RFX3: variants seen among roughly 807,000 people sequenced by gnomAD.
RFX3 encodes the protein transcription factor RFX3.
Under a neutral mutation model 98.6 loss-of-function variants are expected in RFX3, and 14 were observed. The ratio of observed to expected loss-of-function variants is 0.14; its 90% CI spans 0.09 to 0.22. The LOEUF (loss-of-function observed/expected upper bound fraction) is 0.22. RFX3 is among the 10% of genes least tolerant of loss of function. The pLI is 1.00. For synonymous variants in RFX3, 383 were observed against 328.4 expected, an observed-to-expected ratio of 1.17 and a Z score of -1.80; for missense variants, 639 against 926.9, an observed-to-expected ratio of 0.69 and a Z score of 4.03.
At chr9:3,383,967 G>C (rs551417282) in intron 2 of RFX3, among the ~76,000 whole-genome samples, 24 of 152,250 alleles carry the variant, frequency 1.6e-4, no homozygotes, top group African/African-American at 5.8e-4. Flanking sequence ...AAAAGTAAGT[G>C]TTCCATTAAA....
chr9:3,272,402 G>C (rs1051548747), intron 9 of RFX3, among the ~76,000 whole-genome samples: 1 of 152,116 alleles, frequency 6.6e-6, no homozygotes, highest in Non-Finnish European at 1.5e-5. Flanking sequence ...CCTGTATAGA[G>C]CTGGCCCAAT....
chr9:3,460,929 G>T (rs541924268), intron 1 of RFX3, among the ~76,000 whole-genome samples: 1 of 151,798 alleles, frequency 6.6e-6, no homozygotes, highest in African/African-American at 2.4e-5. Context: ...TACTTCTCCT[G>T]TAGTCTTACT....
At chr9:3,306,633 GAGAC>G (rs1368715924) in intron 4 of RFX3, among the ~76,000 whole-genome samples, 2 of 150,832 alleles carry the variant, frequency 1.3e-5, no homozygotes, top group African/African-American at 4.9e-5. Flanking sequence ...ATACCATTAG[GAGAC>G]ATACCTAATG....
chr9:3,386,804 T>C (rs1839772792), intron 2 of RFX3, among the ~76,000 whole-genome samples: 1 of 152,144 alleles, frequency 6.6e-6, no homozygotes. Flanking sequence ...GGAAATGTAG[T>C]AGACAAGTAC....
intron 1 of RFX3, among the ~76,000 whole-genome samples, chr9:3,435,802 TAAAAAAA>T (rs34925429): frequency 2.0e-5 from 2 of 97,636 alleles, no homozygotes; most frequent in Admixed American, 1.1e-4. Context: ...ATCTGCATTG[TAAAAAAA>T]AAAAAAAAAA....
At chr9:3,399,734 G>C (rs576150497) in intron 1 of RFX3, among the ~76,000 whole-genome samples, 1 of 151,878 alleles carries the variant, frequency 6.6e-6, no homozygotes, top group Non-Finnish European at 1.5e-5. Flanking sequence ...GGCAGATCTC[G>C]AGGTCAGGAG....
At chr9:3,323,274 C>G (rs762596749) in intron 4 of RFX3, among the ~76,000 whole-genome samples, 1 of 152,026 alleles carries the variant, frequency 6.6e-6, no homozygotes, top group Non-Finnish European at 1.5e-5. Flanking sequence ...CGTATTTTTC[C>G]CCTTTAAATT....
At chr9:3,333,657 G>T (rs1245405179) in intron 3 of RFX3, among the ~76,000 whole-genome samples, 1 of 152,008 alleles carries the variant, frequency 6.6e-6, no homozygotes, top group Non-Finnish European at 1.5e-5. Context: ...CCACTTAACT[G>T]TGCTTAAAAT....
At chr9:3,323,540 T>C (rs72699051) in intron 4 of RFX3, among the ~76,000 whole-genome samples, 16,343 of 152,038 alleles carry the variant, frequency 0.11, 892 homozygotes, top group Middle Eastern at 0.19. Flanking sequence ...AAGCAAAAGA[T>C]ATATAAGAGG....
chr9:3,264,349 C>T (rs1823331658), intron 12 of RFX3, among the ~76,000 whole-genome samples: 2 of 152,070 alleles, frequency 1.3e-5, no homozygotes, highest in East Asian at 3.9e-4. Context: ...CACTCAATCA[C>T]TATATGGGTA....
At chr9:3,472,891 C>T (rs1848899448) in intron 1 of RFX3, among the ~76,000 whole-genome samples, 1 of 152,168 alleles carries the variant, frequency 6.6e-6, no homozygotes, top group Non-Finnish European at 1.5e-5. Flanking sequence ...TGTTGCACAG[C>T]AGTATTATGA....
intron 1 of RFX3, among the ~76,000 whole-genome samples, chr9:3,443,992 A>C (rs951226095): frequency 2.0e-5 from 3 of 152,236 alleles, no homozygotes; most frequent in Non-Finnish European, 2.9e-5. Flanking sequence ...CAGTGCAAAC[A>C]GTCTGTGTAA....
intron 1 of RFX3, among the ~76,000 whole-genome samples, chr9:3,432,091 T>G (rs1026804927): frequency 6.6e-6 from 1 of 152,190 alleles, no homozygotes; most frequent in Admixed American, 6.5e-5. Context: ...GAAGCTCTTT[T>G]GCCACACTGC....
At chr9:3,489,017 T>A in intron 1 of RFX3, 1 of 409,050 alleles carries the variant, frequency 2.4e-6, no homozygotes, top group Non-Finnish European at 3.3e-6. Flanking sequence ...TTTTAGAACT[T>A]AGAAATTAAA....
At chr9:3,433,867 T>C (rs540585391) in intron 1 of RFX3, among the ~76,000 whole-genome samples, 3 of 152,294 alleles carry the variant, frequency 2.0e-5, no homozygotes, top group Admixed American at 2.0e-4. Context: ...AATGCCCCAT[T>C]GCCTGTGAAA....
intron 1 of RFX3, among the ~76,000 whole-genome samples, chr9:3,426,020 C>A (rs1217509928): frequency 1.3e-5 from 2 of 152,114 alleles, no homozygotes; most frequent in Non-Finnish European, 2.9e-5. Flanking sequence ...ACCAAAAAAA[C>A]CCATCATTCA....
chr9:3,325,063 T>A (rs949334020), intron 4 of RFX3, among the ~76,000 whole-genome samples: 1 of 152,194 alleles, frequency 6.6e-6, no homozygotes, highest in African/African-American at 2.4e-5. Context: ...GAGAGACTCA[T>A]GTACTTTCTT....
intron 7 of RFX3, among the ~76,000 whole-genome samples, chr9:3,287,601 G>C (rs778752633): frequency 6.6e-6 from 1 of 151,748 alleles, no homozygotes; most frequent in Non-Finnish European, 1.5e-5. Context: ...CTATTCATCC[G>C]TCCATCCATC....
intron 1 of RFX3, among the ~76,000 whole-genome samples, chr9:3,482,342 T>C (rs1326285258): frequency 6.6e-6 from 1 of 151,910 alleles, no homozygotes; most frequent in South Asian, 2.1e-4. Flanking sequence ...TGAGCACATA[T>C]GCACTCACGG....
Sources: gnomAD v4.1 joint callset for allele counts (sites outside exome capture counted in the v4.1 genomes callset) on GRCh38, gnomAD v4.1.1 for gene constraint, MANE v1.5 for transcripts, NCBI Gene and HGNC (gene_info 2026-07-23, HGNC 2026-07-21) for gene names.